TXNL4A: variants seen among roughly 807,000 people sequenced by gnomAD.
The protein encoded by TXNL4A is thioredoxin like 4A.
TXNL4A carries 17 observed loss-of-function variants against 14.6 expected under a neutral mutation model. That is an observed-to-expected ratio of 1.16 (90% CI 0.80 to 1.74). The LOEUF is 1.74. Among genes scored for constraint, TXNL4A ranks in the 40% most tolerant of loss-of-function variants. The pLI is 0.00. For synonymous variants in TXNL4A, 83 were observed against 70.6 expected, an observed-to-expected ratio of 1.18 and a Z score of -0.88; for missense variants, 74 against 195.2, an observed-to-expected ratio of 0.38 and a Z score of 3.70.
At chr18:80,033,020 C>T (rs1161232984) in intron 1 of TXNL4A, among the ~76,000 whole-genome samples, 3 of 69,512 alleles carry the variant, frequency 4.3e-5, no homozygotes, top group African/African-American at 8.6e-5. Flanking sequence ...CTCAATACTC[C>T]GCCCTTTCCC....
intron 1 of TXNL4A, among the ~76,000 whole-genome samples, chr18:79,985,426 C>T (rs2051532537): frequency 6.6e-6 from 1 of 151,702 alleles, no homozygotes; most frequent in Non-Finnish European, 1.5e-5. Flanking sequence ...CTAATGTTTG[C>T]ATTTTTTGTA....
At chr18:79,987,417 T>C (rs1312583751) in intron 1 of TXNL4A, among the ~76,000 whole-genome samples, 1 of 152,254 alleles carries the variant, frequency 6.6e-6, no homozygotes, top group African/African-American at 2.4e-5. Context: ...ATAGCTTCAA[T>C]GTTACTTTTA....
At chr18:79,978,129 C>G (rs2051407932) in intron 1 of TXNL4A, among the ~76,000 whole-genome samples, 1 of 152,200 alleles carries the variant, frequency 6.6e-6, no homozygotes, top group Admixed American at 6.5e-5. Flanking sequence ...CTCCTTCCGC[C>G]TCACTTTACC....
intron 1 of TXNL4A, among the ~76,000 whole-genome samples, chr18:80,006,229 C>G (rs906050510): frequency 3.3e-5 from 5 of 151,604 alleles, no homozygotes; most frequent in African/African-American, 7.3e-5. Flanking sequence ...ACTAAAAATA[C>G]GAAAATTAGC....
intron 2 of TXNL4A, 35 bp downstream of exon 2, chr18:79,977,563 T>C (rs1211201616): frequency 1.4e-6 from 2 of 1,463,648 alleles, no homozygotes; most frequent in East Asian, 2.3e-5. Flanking sequence ...AAACTGACAA[T>C]ATTCAATTTC....
Position 79,978,590 on chromosome 18 carries a change from C to T in TXNL4A, c.154-889G>A, listed in dbSNP as rs373559078. On this transcript the variant is annotated intron_variant, in intron 1 of 2. Coordinates refer to ENST00000269601, the MANE Select transcript of TXNL4A (RefSeq NM_006701.5). Reference sequence around the variant, plus strand: ...CTCACTGCAACCTCTGCCTCCTGGGCTCAAGCGATCCTCCCATCTCCGCCT... The same window carrying T: ...CTCACTGCAACCTCTGCCTCCTGGGTTCAAGCGATCCTCCCATCTCCGCCT... Among the ~76,000 whole-genome samples the T allele has an allele frequency of 3.2e-3, 477 of 150,216 alleles. 5 individuals carry two copies. Among genetic ancestry groups the T allele is most frequent in the African/African-American group, 0.011 (438 of 40,904 alleles).
chr18:80,024,750 C>T (rs12959816), intron 1 of TXNL4A, among the ~76,000 whole-genome samples: 3 of 152,232 alleles, frequency 2.0e-5, no homozygotes, highest in South Asian at 2.1e-4. Context: ...TATAAGGAAC[C>T]GACCCGTCCT....
At chr18:79,975,523 C>T (rs1356033698) in intron 2 of TXNL4A, among the ~76,000 whole-genome samples, 3 of 152,258 alleles carry the variant, frequency 2.0e-5, no homozygotes, top group African/African-American at 7.2e-5. Context: ...CTGGCCTCCA[C>T]TGCACGCTGT....
intron 1 of TXNL4A, among the ~76,000 whole-genome samples, chr18:79,999,350 A>C (rs1438757266): frequency 6.6e-6 from 1 of 152,110 alleles, no homozygotes; most frequent in Non-Finnish European, 1.5e-5. Context: ...AGCCTGGCCG[A>C]CATAGTGAAA....
intron 1 of TXNL4A, among the ~76,000 whole-genome samples, chr18:79,978,894 T>G (rs1421388992): frequency 6.6e-6 from 1 of 151,908 alleles, no homozygotes; most frequent in African/African-American, 2.4e-5. Context: ...CATATTGTGA[T>G]CGTACTACAA....
chr18:79,988,488 C>T lies in TXNL4A; in HGVS notation c.-96G>A. Reference sequence around the variant, plus strand: ...CCCCTCACTCCCCGGCCCCCGCCGCCCCCGGGCCCACGGACGAAATCCGGT... The same window carrying T: ...CCCCTCACTCCCCGGCCCCCGCCGCTCCCGGGCCCACGGACGAAATCCGGT... On this transcript the variant is annotated 5_prime_UTR_variant, in exon 1 of 3. Coordinates refer to ENST00000269601, the MANE Select transcript of TXNL4A (RefSeq NM_006701.5). 2.4e-6 allele frequency: 3 copies of T among 1,227,326 alleles called. No homozygotes were observed. Among genetic ancestry groups the T allele is most frequent in the South Asian group, 6.0e-5 (2 of 33,532 alleles). 76.0% of individuals were successfully genotyped at this position (1,227,326 alleles called of 1,614,324 possible).
intron 1 of TXNL4A, among the ~76,000 whole-genome samples, chr18:80,015,276 T>C (rs1332249177): frequency 6.6e-6 from 1 of 152,146 alleles, no homozygotes; most frequent in East Asian, 1.9e-4. Context: ...ACTTTTCTTT[T>C]CTACTTCATT....
chr18:79,998,342 T>G (rs1349468936), intron 1 of TXNL4A, among the ~76,000 whole-genome samples: 1 of 150,764 alleles, frequency 6.6e-6, no homozygotes, highest in Non-Finnish European at 1.5e-5. Context: ...TCCTTATGGC[T>G]CAACCTCTCT....
intron 1 of TXNL4A, among the ~76,000 whole-genome samples, chr18:79,996,155 A>C (rs1030594686): frequency 4.7e-5 from 7 of 149,662 alleles, no homozygotes; most frequent in African/African-American, 1.7e-4. Flanking sequence ...GAGGGATTGC[A>C]TTAGGCTGAA....
At chr18:80,022,721 G>A (rs779978358) in intron 1 of TXNL4A, among the ~76,000 whole-genome samples, 2 of 152,134 alleles carry the variant, frequency 1.3e-5, no homozygotes, top group South Asian at 2.1e-4. Context: ...TTGCTTTGGC[G>A]TGACCAAGGG....
At chr18:80,023,021 G>C (rs2051860186) in intron 1 of TXNL4A, among the ~76,000 whole-genome samples, 1 of 152,218 alleles carries the variant, frequency 6.6e-6, no homozygotes, top group African/African-American at 2.4e-5. Context: ...TTAATGGAGG[G>C]TGTTTTAATA....
intron 1 of TXNL4A, among the ~76,000 whole-genome samples, chr18:79,998,454 T>G (rs1168271601): frequency 1.3e-5 from 2 of 151,982 alleles, no homozygotes; most frequent in Admixed American, 6.6e-5. Context: ...TGCCCCAGCC[T>G]TAGGGCACCC....
chr18:80,003,975 C>T (rs1225608186), intron 1 of TXNL4A, among the ~76,000 whole-genome samples: 1 of 152,158 alleles, frequency 6.6e-6, no homozygotes, highest in Non-Finnish European at 1.5e-5. Flanking sequence ...GCTCTTGACA[C>T]ATGGGGATTA....
intron 1 of TXNL4A, among the ~76,000 whole-genome samples, chr18:79,980,838 G>A (rs937399565): frequency 3.9e-5 from 6 of 152,166 alleles, no homozygotes; most frequent in Non-Finnish European, 8.8e-5. Context: ...CACTGCAGGG[G>A]CATGCGACTC....
Sources: allele counts gnomAD v4.1 joint callset (sites outside exome capture counted in the v4.1 genomes callset), GRCh38; gene constraint gnomAD v4.1.1; transcripts MANE v1.5; gene names NCBI Gene and HGNC (gene_info 2026-07-23, HGNC 2026-07-21).